Variants in CNTN6 observed in about 807,000 individuals in gnomAD.
The protein encoded by CNTN6 is contactin 6, also known as contactin-6.
CNTN6 carries 137 observed loss-of-function variants against 122.8 expected under a neutral mutation model. The observed-to-expected ratio is 1.12, with a 90% CI of 0.97 to 1.29. The LOEUF (loss-of-function observed/expected upper bound fraction) is 1.29. Ranked by LOEUF, CNTN6 falls within the 50% of genes most tolerant of loss-of-function variation. The pLI is 0.00. For missense variants in CNTN6, 1,634 were observed against 1,223.4 expected (o/e 1.34, Z -5.01); for synonymous variants, 570 against 426.0 (o/e 1.34, Z -4.16).
intron 4 of CNTN6, among the ~76,000 whole-genome samples, chr3:1,244,629 G>T (rs184851670): frequency 6.6e-6 from 1 of 152,212 alleles, no homozygotes; most frequent in African/African-American, 2.4e-5. Context: ...AATTTCATGC[G>T]TGTCTGTGTG....
chr3:1,352,567 C>G (rs1367605321), intron 12 of CNTN6, 116 bp downstream of exon 12: 5 of 1,240,900 alleles, frequency 4.0e-6, no homozygotes, highest in Non-Finnish European at 5.6e-6. Context: ...GTTGATTTCA[C>G]AAGTTATCTA....
intron 2 of CNTN6, 134 bp from the exon 3 acceptor site, chr3:1,220,553 T>C: frequency 1.2e-6 from 1 of 808,996 alleles, no homozygotes; most frequent in South Asian, 3.8e-5. Flanking sequence ...ATTTTTGTAA[T>C]ACTTTTTGTG....
chr3:1,304,387 GTAAGTTGCA>G (rs769257622), intron 7 of CNTN6, among the ~76,000 whole-genome samples: 21 of 152,004 alleles, frequency 1.4e-4, no homozygotes, highest in Admixed American at 6.6e-4. Context: ...CTTAACCAAT[GTAAGTTGCA>G]TAAGTTGCAT....
chr3:1,303,246 C>T (rs1697741773), intron 7 of CNTN6, among the ~76,000 whole-genome samples: 1 of 152,044 alleles, frequency 6.6e-6, no homozygotes, highest in African/African-American at 2.4e-5. Flanking sequence ...AATCCTCAGC[C>T]TGATAGTCCT....
chr3:1,268,757 G>T (rs2094971863), intron 4 of CNTN6, among the ~76,000 whole-genome samples: 1 of 151,982 alleles, frequency 6.6e-6, no homozygotes, highest in South Asian at 2.1e-4. Flanking sequence ...TCCTGACTCA[G>T]TCTTCAAGAA....
chr3:1,252,995 A>G (rs62229427), intron 4 of CNTN6, among the ~76,000 whole-genome samples: 11,372 of 152,228 alleles, frequency 0.075, 536 homozygotes, highest in Middle Eastern at 0.13. Flanking sequence ...TAATTTCTGC[A>G]TTTTCTTCCT....
At chr3:1,169,250 T>C (rs1358665410) in intron 2 of CNTN6, among the ~76,000 whole-genome samples, 1 of 152,240 alleles carries the variant, frequency 6.6e-6, no homozygotes, top group Non-Finnish European at 1.5e-5. Context: ...TTAAATGTTC[T>C]TTCTAAATAC....
intron 2 of CNTN6, among the ~76,000 whole-genome samples, chr3:1,179,766 G>A (rs939485948): frequency 2.6e-4 from 39 of 152,068 alleles, no homozygotes; most frequent in African/African-American, 9.2e-4. Context: ...TTTTGTGTGT[G>A]CATGAGCTTC....
chr3:1,388,242 GGGTCCCT>G (rs1399417880), intron 20 of CNTN6, among the ~76,000 whole-genome samples: 1 of 149,362 alleles, frequency 6.7e-6, no homozygotes, highest in Non-Finnish European at 1.5e-5. Context: ...CTCCTCAAGT[GGGTCCCT>G]GACCCCTGAC....
intron 2 of CNTN6, among the ~76,000 whole-genome samples, chr3:1,205,855 G>C (rs893830818): frequency 5.9e-5 from 9 of 152,060 alleles, no homozygotes; most frequent in African/African-American, 1.9e-4. Context: ...GATGGTATGT[G>C]AATTATATTT....
At chr3:1,145,200 A>G (rs767802144) in intron 1 of CNTN6, among the ~76,000 whole-genome samples, 2 of 152,194 alleles carry the variant, frequency 1.3e-5, no homozygotes, top group Admixed American at 6.5e-5. Context: ...CAACGGGTTT[A>G]TTATCTCTTG....
intron 4 of CNTN6, among the ~76,000 whole-genome samples, chr3:1,277,346 C>CTTTTTTGTTTTTTTTTTTTT (rs1692563555): frequency 1.2e-5 from 1 of 80,172 alleles, no homozygotes; most frequent in Non-Finnish European, 2.4e-5. Context: ...AGTAGGTTTT[C>CTTTTTTGTTTTTTTTTTTTT]TTTTTTTTTT....
In CNTN6 at chr3:1,389,508, C is replaced by T. The variant is rs150377740; in HGVS notation, c.2704+3711C>T. Among the ~76,000 whole-genome samples, 491 of 152,166 alleles carry T rather than the reference C, an allele frequency of 3.2e-3. 3 individuals are homozygous for T. Among genetic ancestry groups the T allele is most frequent in the African/African-American group, 1.0e-2 (415 of 41,520 alleles). ...ACTAGGAAGAAACTGCATCAACTAA[C>T]GAGCAAAATCACCAGCTAACATCAT... On this transcript the variant is annotated intron_variant, in intron 20 of 22. Coordinates refer to ENST00000446702, the MANE Select transcript of CNTN6 (RefSeq NM_001289080.2).
chr3:1,240,471 C>T (rs148960521), intron 4 of CNTN6, among the ~76,000 whole-genome samples: 53 of 152,162 alleles, frequency 3.5e-4, no homozygotes, highest in African/African-American at 1.3e-3. Context: ...AACCACAATG[C>T]AATACGACCT....
chr3:1,248,230 T>C (rs551779059), intron 4 of CNTN6, among the ~76,000 whole-genome samples: 1 of 152,338 alleles, frequency 6.6e-6, no homozygotes, highest in East Asian at 1.9e-4. Context: ...GTTCTCAAAT[T>C]GATGTAAGTA....
intron 11 of CNTN6, among the ~76,000 whole-genome samples, chr3:1,346,120 G>T (rs1704651131): frequency 6.6e-6 from 1 of 151,898 alleles, no homozygotes. Context: ...GAATCTACAT[G>T]TACAGATCTG....
chr3:1,325,480 A>G (rs1281583791), intron 8 of CNTN6, among the ~76,000 whole-genome samples: 1 of 151,882 alleles, frequency 6.6e-6, no homozygotes, highest in Non-Finnish European at 1.5e-5. Flanking sequence ...TACATTTTCT[A>G]ACTTGACCTA....
intron 7 of CNTN6, among the ~76,000 whole-genome samples, chr3:1,308,287 TTGTGTG>T (rs113198519): frequency 0.028 from 4,126 of 144,868 alleles, 194 homozygotes; most frequent in African/African-American, 0.095. Flanking sequence ...ATGGGGTGTT[TTGTGTG>T]TGTGTGTGTG....
chr3:1,098,663 A>AT (rs917196026), intron 1 of CNTN6, among the ~76,000 whole-genome samples: 1 of 150,332 alleles, frequency 6.7e-6, no homozygotes, highest in Non-Finnish European at 1.5e-5. Context: ...TGCTGACTCC[A>AT]TTTTTTTAAA....
Sources: gnomAD v4.1 joint callset for allele counts (sites outside exome capture counted in the v4.1 genomes callset) on GRCh38, gnomAD v4.1.1 for gene constraint, MANE v1.5 for transcripts, NCBI Gene and HGNC (gene_info 2026-07-23, HGNC 2026-07-21) for gene names.